CSMD1: variants seen among roughly 807,000 people sequenced by gnomAD.
CSMD1 encodes CUB and Sushi multiple domains 1, also known as CUB and sushi domain-containing protein 1.
Under a neutral mutation model 417.5 loss-of-function variants are expected in CSMD1, and 213 were observed. The observed-to-expected ratio is 0.51, with a 90% confidence interval of 0.46 to 0.57. The LOEUF is 0.57. Among genes scored for constraint, CSMD1 ranks in the 20% least tolerant of loss-of-function variants. CSMD1 has a pLI of 0.00. For missense variants in CSMD1, 6,923 were observed against 4,529.7 expected (o/e 1.53, Z -15.17); for synonymous variants, 2,862 against 1,736.8 (o/e 1.65, Z -16.11).
chr8:3,836,201 GATC>G (rs763273605), intron 5 of CSMD1, among the ~76,000 whole-genome samples: 1 of 151,886 alleles, frequency 6.6e-6, no homozygotes, highest in Non-Finnish European at 1.5e-5. Context: ...TGTTTATTTT[GATC>G]ATGTCATCGG....
intron 3 of CSMD1, among the ~76,000 whole-genome samples, chr8:4,091,841 T>G (rs1333839088): frequency 6.6e-6 from 1 of 152,178 alleles, no homozygotes; most frequent in Non-Finnish European, 1.5e-5. Context: ...TATTTAGCAA[T>G]GGAGAAACAA....
At chr8:2,999,457 T>G (rs1807208526) in intron 53 of CSMD1, among the ~76,000 whole-genome samples, 1 of 152,124 alleles carries the variant, frequency 6.6e-6, no homozygotes, top group African/African-American at 2.4e-5. Flanking sequence ...CCTGGCCAAT[T>G]TTACCTCTTT....
chr8:4,193,811 G>T (rs78324779), intron 3 of CSMD1, among the ~76,000 whole-genome samples: 1 of 152,136 alleles, frequency 6.6e-6, no homozygotes, highest in African/African-American at 2.4e-5. Flanking sequence ...ATGGCGAGAA[G>T]AGCAGGAAAA....
chr8:4,590,924 C>A (rs543818043), intron 2 of CSMD1, among the ~76,000 whole-genome samples: 1 of 152,158 alleles, frequency 6.6e-6, no homozygotes, highest in Non-Finnish European at 1.5e-5. Flanking sequence ...GCTCTCAGGC[C>A]TTCTGAGCTC....
chr8:4,941,304 CTTTG>C (rs1435803852), intron 1 of CSMD1, among the ~76,000 whole-genome samples: 4 of 152,062 alleles, frequency 2.6e-5, no homozygotes, highest in East Asian at 3.9e-4. Flanking sequence ...ATGTAATATA[CTTTG>C]TTTTTGTAAA....
chr8:4,742,289 C>T (rs1273797219), intron 1 of CSMD1, among the ~76,000 whole-genome samples: 2 of 151,710 alleles, frequency 1.3e-5, no homozygotes, highest in East Asian at 3.9e-4. Context: ...CTCGGCCTCC[C>T]AAAGTGCTGA....
At chr8:4,800,295 G>C (rs1471206339) in intron 1 of CSMD1, among the ~76,000 whole-genome samples, 1 of 151,984 alleles carries the variant, frequency 6.6e-6, no homozygotes, top group African/African-American at 2.4e-5. Context: ...GCTGGGCATG[G>C]TGGTGCACAC....
intron 2 of CSMD1, among the ~76,000 whole-genome samples, chr8:4,447,362 G>C (rs1011509210): frequency 6.6e-6 from 1 of 152,138 alleles, no homozygotes; most frequent in African/African-American, 2.4e-5. Context: ...AAGTTAAGAG[G>C]AAATAGAAAT....
intron 5 of CSMD1, among the ~76,000 whole-genome samples, chr8:3,810,450 A>G (rs529669320): frequency 6.6e-6 from 1 of 152,242 alleles, no homozygotes; most frequent in South Asian, 2.1e-4. Context: ...GGAGCACGGG[A>G]GGACCTGGGC....
chr8:4,078,255 G>C (rs1397293349), intron 3 of CSMD1, among the ~76,000 whole-genome samples: 1 of 150,306 alleles, frequency 6.7e-6, no homozygotes, highest in African/African-American at 2.4e-5. Context: ...TTACGTAATT[G>C]CACTATGCAT....
At chr8:4,680,164 A>G (rs2130973759) in intron 1 of CSMD1, among the ~76,000 whole-genome samples, 1 of 152,334 alleles carries the variant, frequency 6.6e-6, no homozygotes. Context: ...TGTATGTAGA[A>G]TCAGACCTGT....
At chr8:3,461,308 T>C (rs560073008) in intron 12 of CSMD1, among the ~76,000 whole-genome samples, 1 of 152,126 alleles carries the variant, frequency 6.6e-6, no homozygotes, top group African/African-American at 2.4e-5. Flanking sequence ...AATGAGGGAA[T>C]GCGCTTCTGA....
intron 6 of CSMD1, among the ~76,000 whole-genome samples, chr8:3,747,222 T>G (rs571970544): frequency 6.6e-6 from 1 of 152,264 alleles, no homozygotes; most frequent in South Asian, 2.1e-4. Context: ...TCTCTCCATT[T>G]CTCGCATGAG....
At chr8:3,491,357 C>T (rs1818369978) in intron 11 of CSMD1, among the ~76,000 whole-genome samples, 1 of 152,036 alleles carries the variant, frequency 6.6e-6, no homozygotes, top group Admixed American at 6.6e-5. Context: ...ATTATTAGAC[C>T]CAAATTCCCA....
At chr8:3,303,451 G>A (rs1053116421) in intron 25 of CSMD1, among the ~76,000 whole-genome samples, 11 of 152,172 alleles carry the variant, frequency 7.2e-5, no homozygotes, top group African/African-American at 2.2e-4. Flanking sequence ...AGTCTGCATA[G>A]GAATGCTTTT....
At position 4,435,199 on chromosome 8, in the gene CSMD1, G is replaced by C. The variant is rs1057329598; in HGVS notation, c.303-15134C>G. 2.6e-5 allele frequency among the ~76,000 whole-genome samples: 4 copies of C among 152,004 alleles called. No homozygotes were observed. In the East Asian group the frequency reaches 7.7e-4, roughly 29 times the overall value. On this transcript the variant is annotated intron_variant, in intron 2 of 69. Coordinates refer to ENST00000635120, the MANE Select transcript of CSMD1 (RefSeq NM_033225.6). ...ATAGGGAATATAAATTGATACACAA[G>C]TACATCAGCCAATCTGATCTTTGGA...
At chr8:3,925,211 A>G (rs2129146112) in intron 5 of CSMD1, among the ~76,000 whole-genome samples, 1 of 152,312 alleles carries the variant, frequency 6.6e-6, no homozygotes, top group South Asian at 2.1e-4. Flanking sequence ...AATTTGCTAC[A>G]TTTTGGGCTA....
Position 3,575,008 on chromosome 8 carries a change from A to T in CSMD1, c.1281T>A (p.Tyr427Ter), listed in dbSNP as rs1247559192. The change falls in exon 10 of 70, where the codon TAT (tyrosine) becomes TAA (stop). Residue 427 changes from tyrosine to a stop codon, truncating the protein, a stop_gained. Coordinates refer to ENST00000635120, the MANE Select transcript of CSMD1 (RefSeq NM_033225.6). LOFTEE classifies it high-confidence loss of function. ...GTGCATTATCTTCATACTGAACCGG[A>T]TAATTAGGGGAGGTAATGACGCCGC... ...GPSGVITSPN[Y>*]PVQYEDNAHC... 6.2e-7 allele frequency: 1 copy of T among 1,613,344 alleles called. No individual in the cohort carries two copies. Among genetic ancestry groups the T allele is most frequent in the Admixed American group, 1.7e-5 (1 of 59,998 alleles).
intron 3 of CSMD1, among the ~76,000 whole-genome samples, chr8:4,078,769 C>G (rs1252927923): frequency 6.7e-6 from 1 of 150,310 alleles, no homozygotes; most frequent in East Asian, 2.0e-4. Context: ...GGCACACTGG[C>G]TTACACCTGT....
Sources: gnomAD v4.1 joint callset for allele counts (sites outside exome capture counted in the v4.1 genomes callset) on GRCh38, gnomAD v4.1.1 for gene constraint, MANE v1.5 for transcripts, NCBI Gene and HGNC (gene_info 2026-07-23, HGNC 2026-07-21) for gene names.